The following ADGRA3 variants were observed in gnomAD, a reference collection of about 807,000 sequenced individuals.
ADGRA3 encodes G-protein coupled receptor 125.
Under a neutral mutation model 119.8 loss-of-function variants are expected in ADGRA3, and 56 were observed. That is an observed-to-expected ratio of 0.47 (90% CI 0.38 to 0.58). The LOEUF (loss-of-function observed/expected upper bound fraction) is 0.58. Among genes scored for constraint, ADGRA3 ranks in the 20% least tolerant of loss-of-function variants. ADGRA3 has a pLI of 0.00. For missense variants in ADGRA3, 1,516 were observed against 1,649.0 expected (o/e 0.92, Z 1.40); for synonymous variants, 607 against 623.8 (o/e 0.97, Z 0.40).
intron 4 of ADGRA3, among the ~76,000 whole-genome samples, chr4:22,448,329 G>A (rs1477743129): frequency 1.3e-5 from 2 of 152,068 alleles, no homozygotes; most frequent in Non-Finnish European, 2.9e-5. Context: ...TCAACTTCAG[G>A]GGACTTCTAA....
intron 1 of ADGRA3, among the ~76,000 whole-genome samples, chr4:22,482,225 C>T (rs1172633067): frequency 1.3e-5 from 2 of 152,104 alleles, no homozygotes; most frequent in African/African-American, 4.8e-5. Context: ...ATTTCTCTCA[C>T]AACAAAGTAA....
intron 8 of ADGRA3, among the ~76,000 whole-genome samples, chr4:22,437,538 A>G (rs902592681): frequency 6.6e-6 from 1 of 152,240 alleles, no homozygotes. Context: ...ATCCCTGAAC[A>G]TAAATAAGAT....
intron 1 of ADGRA3, among the ~76,000 whole-genome samples, chr4:22,480,287 G>A (rs527382542): frequency 1.2e-4 from 19 of 152,158 alleles, no homozygotes; most frequent in African/African-American, 4.3e-4. Context: ...AAATTAAAAC[G>A]AGATGTCACA....
At chr4:22,478,955 T>G (rs1718149708) in intron 1 of ADGRA3, among the ~76,000 whole-genome samples, 1 of 152,084 alleles carries the variant, frequency 6.6e-6, no homozygotes, top group South Asian at 2.1e-4. Context: ...TGTTAAAAGA[T>G]AAACAATAAA....
At chr4:22,508,547 A>AG (rs1719324709) in intron 1 of ADGRA3, among the ~76,000 whole-genome samples, 1 of 152,174 alleles carries the variant, frequency 6.6e-6, no homozygotes, top group African/African-American at 2.4e-5. Context: ...GATGTATGTA[A>AG]GATTTTGCAT....
At chr4:22,407,266 G>A (rs971311593) in intron 14 of ADGRA3, among the ~76,000 whole-genome samples, 9 of 151,954 alleles carry the variant, frequency 5.9e-5, no homozygotes, top group Admixed American at 4.6e-4. Context: ...GCAAGACTCC[G>A]CCTCAAAAAG....
intron 7 of ADGRA3, 27 bp from the exon 8 acceptor site, chr4:22,438,447 G>A (rs1356488432): frequency 6.3e-7 from 1 of 1,592,338 alleles, no homozygotes; most frequent in Admixed American, 1.7e-5. Context: ...TTTAAAAAGA[G>A]AGAAAATATA....
At chr4:22,422,683 T>C (rs1400264430) in intron 11 of ADGRA3, among the ~76,000 whole-genome samples, 1 of 152,196 alleles carries the variant, frequency 6.6e-6, no homozygotes, top group Non-Finnish European at 1.5e-5. Flanking sequence ...AGAGATGGTA[T>C]GCAAATTCCT....
intron 1 of ADGRA3, among the ~76,000 whole-genome samples, chr4:22,484,714 G>A (rs1718374412): frequency 1.3e-5 from 2 of 152,034 alleles, no homozygotes; most frequent in African/African-American, 4.8e-5. Flanking sequence ...GAGGTGCTAA[G>A]GAAGTGGCAT....
chr4:22,464,541 G>T (rs1717585336), intron 2 of ADGRA3, among the ~76,000 whole-genome samples: 1 of 152,164 alleles, frequency 6.6e-6, no homozygotes, highest in Non-Finnish European at 1.5e-5. Flanking sequence ...TAAGTTCCCT[G>T]CTGTGAATGC....
intron 11 of ADGRA3, among the ~76,000 whole-genome samples, chr4:22,421,862 C>G (rs1209817919): frequency 1.0e-5 from 1 of 97,766 alleles, no homozygotes; most frequent in African/African-American, 4.2e-5. Flanking sequence ...GCCTGGACAA[C>G]AGAGCAAGAC....
intron 1 of ADGRA3, chr4:22,477,613 A>T (rs554611910): frequency 6.6e-6 from 1 of 152,228 alleles, no homozygotes; most frequent in Non-Finnish European, 1.5e-5. Context: ...TAGTGGCTGA[A>T]TTACACTCAC....
intron 1 of ADGRA3, among the ~76,000 whole-genome samples, chr4:22,476,754 C>A (rs1012556750): frequency 6.6e-6 from 1 of 151,832 alleles, no homozygotes; most frequent in Non-Finnish European, 1.5e-5. Flanking sequence ...ACAATCTACG[C>A]CTCCAGGGTT....
At chr4:22,419,078 G>C (rs1163008022) in intron 12 of ADGRA3, among the ~76,000 whole-genome samples, 1 of 152,072 alleles carries the variant, frequency 6.6e-6, no homozygotes, top group Non-Finnish European at 1.5e-5. Flanking sequence ...AGTATAGAGG[G>C]AAGGACAGAG....
chr4:22,496,868 A>C (rs548735050), intron 1 of ADGRA3, among the ~76,000 whole-genome samples: 1 of 152,012 alleles, frequency 6.6e-6, no homozygotes, highest in East Asian at 1.9e-4. Context: ...ATGTGCCACC[A>C]CCCCCCATAC....
intron 1 of ADGRA3, among the ~76,000 whole-genome samples, chr4:22,503,606 T>C (rs1416680939): frequency 7.0e-6 from 1 of 143,836 alleles, no homozygotes; most frequent in Non-Finnish European, 1.5e-5. Context: ...TAAATGCCTG[T>C]CACTATACTA....
intron 16 of ADGRA3, among the ~76,000 whole-genome samples, chr4:22,401,149 T>C (rs1714620166): frequency 2.0e-5 from 3 of 152,274 alleles, no homozygotes; most frequent in East Asian, 3.9e-4. Flanking sequence ...CAGAATTTCA[T>C]ACATTTTAAA....
chr4:22,504,801 C>G lies in ADGRA3; in HGVS notation c.257+10727G>C, dbSNP rs548398932. On this transcript the variant is annotated intron_variant, in intron 1 of 18. Coordinates refer to ENST00000334304, the MANE Select transcript of ADGRA3 (RefSeq NM_145290.4). ...ATTAACCCTTCAGGTCGCTGGGCTACTAAGCAGCAGGTTCTCAACCCAAGT... is the reference window on the plus strand; with the variant it reads ...ATTAACCCTTCAGGTCGCTGGGCTAGTAAGCAGCAGGTTCTCAACCCAAGT... Among the ~76,000 whole-genome samples, 26 of 152,140 alleles carry G rather than the reference C, an allele frequency of 1.7e-4. No individual in the cohort carries two copies. In the South Asian group the frequency reaches 5.4e-3, roughly 32 times the overall value.
In ADGRA3 at chr4:22,392,166, T is replaced by C. The variant is rs187839905; in HGVS notation, c.2627+379A>G. On this transcript the variant is annotated intron_variant, in intron 17 of 18. Transcript: ENST00000334304. ...CACACAAGTCTTCTTGTCCTTTGCATAGAATAATTAAACTGATACATACTT... is the reference window on the plus strand; with the variant it reads ...CACACAAGTCTTCTTGTCCTTTGCACAGAATAATTAAACTGATACATACTT... 1.5e-3 allele frequency among the ~76,000 whole-genome samples: 221 copies of C among 152,330 alleles called. 2 individuals are homozygous for C. Among genetic ancestry groups the C allele is most frequent in the East Asian group, 1.9e-4 (1 of 5,178 alleles).
Sources: gnomAD v4.1 joint callset for allele counts (sites outside exome capture counted in the v4.1 genomes callset) on GRCh38, gnomAD v4.1.1 for gene constraint, MANE v1.5 for transcripts, NCBI Gene and HGNC (gene_info 2026-07-23, HGNC 2026-07-21) for gene names.